AFF4: variants seen among roughly 807,000 people sequenced by gnomAD.
AFF4 encodes ALF transcription elongation factor 4.
A neutral mutation model predicts 124.8 loss-of-function variants in AFF4; 13 were observed. The observed-to-expected ratio is 0.10, with a 90% confidence interval of 0.07 to 0.17. AFF4 has a LOEUF of 0.17. Ranked by LOEUF, AFF4 falls within the 10% of genes least tolerant of loss-of-function variation. The probability of loss-of-function intolerance (pLI) is 1.00; values close to 1 mark genes in which losing one functional copy is unlikely to be tolerated. For synonymous variants in AFF4, 477 were observed against 496.1 expected, an observed-to-expected ratio of 0.96 and a Z score of 0.51; for missense variants, 1,092 against 1,403.8, an observed-to-expected ratio of 0.78 and a Z score of 3.55.
chr5:132,933,198 GACCAGCCTGACCAACAT>G (rs1761340733), intron 3 of AFF4, among the ~76,000 whole-genome samples: 1 of 152,134 alleles, frequency 6.6e-6, no homozygotes, highest in Non-Finnish European at 1.5e-5. Context: ...AGGAGTTCAA[GACCAGCCTGACCAACAT>G]GGTGAAACCC....
At position 132,896,914 on chromosome 5, in the gene AFF4, C is replaced by G; in HGVS notation, c.1716G>C (p.Lys572Asn). The G allele has an allele frequency of 6.2e-7, 1 of 1,614,138 alleles. No homozygotes were observed. The highest frequency in any genetic ancestry group is 8.5e-7 in the Non-Finnish European group (1 of 1,180,028). The change falls in exon 11 of 21, where the codon AAG becomes AAC. Residue 572 changes from lysine (K) to asparagine (N), a missense_variant. By Grantham distance (94) the Lys-to-Asn change is moderately conservative. Transcript: ENST00000265343. ...CTCCACGAGGCTCTTCAGCAGCTGCCTTCTCAGCCTTTTTGGGTTGTTTTT... is the reference window on the plus strand; with the variant it reads ...CTCCACGAGGCTCTTCAGCAGCTGCGTTCTCAGCCTTTTTGGGTTGTTTTT... ...VGKKQPKKAEKAAAEEPRGGL... is the reference protein window; with the variant it reads ...VGKKQPKKAENAAAEEPRGGL...
chr5:132,944,066 CAG>C (rs1466736035), intron 1 of AFF4: 1 of 152,470 alleles, frequency 6.6e-6, no homozygotes, highest in African/African-American at 2.4e-5. Context: ...GTCATCAAAA[CAG>C]AGGATAAGCC....
At position 132,911,644 on chromosome 5, in the gene AFF4, T is replaced by C. The variant is rs1009411598; in HGVS notation, c.1051-7240A>G. 4.6e-5 allele frequency among the ~76,000 whole-genome samples: 7 copies of C among 151,736 alleles called. No homozygotes were observed. The South Asian group carries it at 1.5e-3, about 32-fold the overall frequency. On this transcript the variant is annotated intron_variant, in intron 5 of 20. Coordinates refer to ENST00000265343, the MANE Select transcript of AFF4 (RefSeq NM_014423.4). Reference sequence around the variant, plus strand: ...CTAATATACATGTAATTGGAGTCCTTGAAGACGACGACAAAAGGGGAGAAG... The same window carrying C: ...CTAATATACATGTAATTGGAGTCCTCGAAGACGACGACAAAAGGGGAGAAG...
Position 132,953,863 on chromosome 5 carries a change from T to C in AFF4, c.-5+9396A>G, listed in dbSNP as rs188887035. Among the ~76,000 whole-genome samples the C allele has an allele frequency of 5.0e-4, 76 of 152,346 alleles. No homozygotes were observed. In the Middle Eastern group the frequency reaches 0.017, roughly 34 times the overall value. ...TTGGACTTCTACTTCCCTCGGTCTC[T>C]CTTTATATGCCATACGGCAGCCAAA... is the stretch of plus-strand genomic sequence containing the variant. On this transcript the variant is annotated intron_variant, in intron 1 of 20. Transcript: ENST00000265343.
chr5:132,934,548 G>A lies in AFF4; in HGVS notation c.517C>T (p.His173Tyr), dbSNP rs1761378786. 2 of 1,614,140 alleles carry A rather than the reference G, an allele frequency of 1.2e-6. No individual in the cohort carries two copies. Among genetic ancestry groups the A allele is most frequent in the Non-Finnish European group, 1.7e-6 (2 of 1,180,020 alleles). ...GGGCTGGAAGAACGTGATTTGGAGTGTTCTGATCCATGCTGGCCTTTTTTC... is the reference window on the plus strand; with the variant it reads ...GGGCTGGAAGAACGTGATTTGGAGTATTCTGATCCATGCTGGCCTTTTTTC... ...SRKKGQHGSE[H>Y]SKSRSSSPGK... Residue 173 changes from histidine to tyrosine, a missense_variant, in exon 3 of 21, where the codon CAC becomes TAC. Physicochemically the swap from His to Tyr is moderately conservative, Grantham distance 83 (BLOSUM62 2). Transcript: ENST00000265343.
intron 1 of AFF4, among the ~76,000 whole-genome samples, chr5:132,961,065 T>C (rs1762070345): frequency 1.3e-5 from 2 of 151,896 alleles, no homozygotes; most frequent in Non-Finnish European, 1.5e-5. Context: ...CTACTAAAAA[T>C]ACAAAAAACA....
Position 132,877,542 on chromosome 5 carries a change from T to A in AFF4, c.*3517A>T. 4.8e-6 allele frequency: 1 copy of A among 208,068 alleles called. No homozygotes were observed. Among genetic ancestry groups the A allele is most frequent in the Non-Finnish European group, 9.8e-6 (1 of 101,926 alleles). 12.9% of individuals were successfully genotyped at this position (208,068 alleles called of 1,614,324 possible). A position where few individuals can be genotyped will look rare whatever the true frequency, so the allele number is the denominator to read the frequency against. On this transcript the variant is annotated 3_prime_UTR_variant, in exon 21 of 21. Coordinates refer to ENST00000265343, the MANE Select transcript of AFF4 (RefSeq NM_014423.4). Reference sequence around the variant, plus strand: ...CATACATACATACATATATATAAAGTGTGTATGTGTACAGAATTTTAAGAT... The same window carrying A: ...CATACATACATACATATATATAAAGAGTGTATGTGTACAGAATTTTAAGAT...
At position 132,880,375 on chromosome 5, in the gene AFF4, A is replaced by C. The variant is rs1248869420; in HGVS notation, c.*684T>G. The C allele has an allele frequency of 3.5e-5, 14 of 398,760 alleles. No individual in the cohort carries two copies. The highest frequency in any genetic ancestry group is 1.3e-5 in the Non-Finnish European group (3 of 225,976). The allele number at this position is 398,760 out of a possible 1,614,324, so 24.7% of individuals were successfully genotyped here. A position where few individuals can be genotyped will look rare whatever the true frequency, so the allele number is the denominator to read the frequency against. ...TATTAACACACATTCACAGTTTTTG[A>C]AATAATGCATACCAAATCAGACACA... On this transcript the variant is annotated 3_prime_UTR_variant, in exon 21 of 21. Transcript: ENST00000265343.
chr5:132,901,093 G>C, intron 7 of AFF4: 2 of 985,420 alleles, frequency 2.0e-6, no homozygotes, highest in Non-Finnish European at 2.4e-6. Context: ...TTTTCTTTCA[G>C]ACAGGGGCTT....
At chr5:132,891,367 T>C (rs1445295662) in intron 13 of AFF4, among the ~76,000 whole-genome samples, 1 of 152,226 alleles carries the variant, frequency 6.6e-6, no homozygotes, top group Non-Finnish European at 1.5e-5. Flanking sequence ...CTCAAACCTT[T>C]GCTTACTAAA....
At chr5:132,887,741 T>C (rs910781195) in intron 16 of AFF4, 105 bp downstream of exon 16, 1 of 1,514,862 alleles carries the variant, frequency 6.6e-7, no homozygotes, top group Admixed American at 1.8e-5. Flanking sequence ...TCCAAGGACA[T>C]TAAAGGATTA....
chr5:132,886,458 T>G (rs1760121498), intron 17 of AFF4, 55 bp from the exon 18 acceptor site: 1 of 1,521,074 alleles, frequency 6.6e-7, no homozygotes, highest in Non-Finnish European at 9.1e-7. Flanking sequence ...CTGGCCAGAT[T>G]TGCACAGACA....
In AFF4 at chr5:132,876,397, C is replaced by T. The variant is rs1759840806; in HGVS notation, c.*4662G>A. ...GAGGAACATAGCAGGTAGAAAATTC[C>T]AATGGTTAAAAGCTGAAAAGAAGTC... On this transcript the variant is annotated 3_prime_UTR_variant, in exon 21 of 21. Transcript: ENST00000265343. The T allele has an allele frequency of 4.4e-6, 1 of 226,098 alleles. No individual in the cohort carries two copies. Among genetic ancestry groups the T allele is most frequent in the East Asian group, 6.4e-5 (1 of 15,682 alleles). The allele number at this position is 226,098 out of a possible 1,614,324, so 14.0% of individuals were successfully genotyped here. A position where few individuals can be genotyped will look rare whatever the true frequency, so the allele number is the denominator to read the frequency against.
rs1394880735 is a variant in AFF4, at chr5:132,926,439, G to C, written c.1050+682C>G. 2.6e-5 allele frequency among the ~76,000 whole-genome samples: 4 copies of C among 152,046 alleles called. No homozygotes were observed. In the East Asian group the frequency reaches 7.7e-4, roughly 29 times the overall value. Reference sequence around the variant, plus strand: ...CTCTTTCCACGGGACAAGTATGGTTGCTATGTCTTATGGAAACAGGTTCTT... The same window carrying C: ...CTCTTTCCACGGGACAAGTATGGTTCCTATGTCTTATGGAAACAGGTTCTT... On this transcript the variant is annotated intron_variant, in intron 5 of 20. Transcript: ENST00000265343.
intron 5 of AFF4, among the ~76,000 whole-genome samples, chr5:132,914,968 G>A (rs937962294): frequency 6.6e-6 from 1 of 152,114 alleles, no homozygotes; most frequent in Non-Finnish European, 1.5e-5. Flanking sequence ...TACTAAAGAA[G>A]TCTAATTTTT....
intron 5 of AFF4, among the ~76,000 whole-genome samples, chr5:132,922,642 T>C (rs538358330): frequency 1.3e-5 from 2 of 149,792 alleles, no homozygotes; most frequent in East Asian, 2.0e-4. Flanking sequence ...TAGCTAGGCG[T>C]GGTGGCACGT....
intron 5 of AFF4, chr5:132,926,881 C>T: frequency 2.5e-6 from 1 of 400,278 alleles, no homozygotes. Context: ...TTTTAAATCT[C>T]TCTCGCATAT....
chr5:132,903,553 C>A (rs1222190290), intron 6 of AFF4, among the ~76,000 whole-genome samples: 1 of 152,210 alleles, frequency 6.6e-6, no homozygotes. Flanking sequence ...CAACCACAAT[C>A]TCTTGGGACC....
chr5:132,961,306 T>C (rs1397022060), intron 1 of AFF4, among the ~76,000 whole-genome samples: 1 of 152,054 alleles, frequency 6.6e-6, no homozygotes, highest in African/African-American at 2.4e-5. Flanking sequence ...TGTACCACCA[T>C]GTCTGGCTAA....
Sources: allele counts gnomAD v4.1 joint callset (sites outside exome capture counted in the v4.1 genomes callset), GRCh38; gene constraint gnomAD v4.1.1; transcripts MANE v1.5; gene names NCBI Gene and HGNC (gene_info 2026-07-23, HGNC 2026-07-21).